The following SPPL2B variants were observed in gnomAD, a reference collection of about 807,000 sequenced individuals.
SPPL2B encodes signal peptide peptidase-like 2B.
SPPL2B carries 39 observed loss-of-function variants against 59.7 expected under a neutral mutation model. The ratio of observed to expected loss-of-function variants is 0.65; its 90% CI spans 0.51 to 0.85. The LOEUF (loss-of-function observed/expected upper bound fraction) is 0.85. SPPL2B is among the 40% of genes least tolerant of loss of function. The pLI is 0.00. For missense variants in SPPL2B, 865 were observed against 849.0 expected (o/e 1.02, Z -0.23); for synonymous variants, 419 against 370.8 (o/e 1.13, Z -1.49).
intron 7 of SPPL2B, 74 bp downstream of exon 7, chr19:2,340,246 G>GC (rs758899210): frequency 4.3e-6 from 5 of 1,162,456 alleles, no homozygotes; most frequent in Admixed American, 5.1e-5. Flanking sequence ...CCGCCCCATA[G>GC]CCCCCCATGG....
Position 2,351,426 on chromosome 19 carries a change from C to T in SPPL2B, c.1355-8C>T, listed in dbSNP as rs368017538. The stretch of plus-strand genomic sequence containing the variant: ...CTGGCTGAGGTGATGCCTCCTCTGT[C>T]CCCACAGCCTATGGCGTTGGCCTCC... On this transcript the variant is annotated splice_polypyrimidine_tract_variant and splice_region_variant and intron_variant, in intron 13 of 14. Transcript: ENST00000613503. The T allele has an allele frequency of 1.3e-6, 2 of 1,593,464 alleles. No homozygotes were observed. Among genetic ancestry groups the T allele is most frequent in the Middle Eastern group, 1.7e-4 (1 of 5,890 alleles).
In SPPL2B at chr19:2,338,844, A is replaced by G; in HGVS notation, c.459+3A>G. The G allele has an allele frequency of 6.2e-7, 1 of 1,612,672 alleles. No individual in the cohort carries two copies. Among genetic ancestry groups the G allele is most frequent in the Non-Finnish European group, 8.5e-7 (1 of 1,179,070 alleles). On this transcript the variant is annotated splice_donor_region_variant and intron_variant, in intron 4 of 14. Transcript: ENST00000613503. ...AAGACATGCTGGACATCTTCACGGT[A>G]GGTCTGCGCCGGCTCAGACCCACGC... is the stretch of plus-strand genomic sequence containing the variant.
In SPPL2B at chr19:2,348,167, C is replaced by T. The variant is rs1334535721; in HGVS notation, c.1354+2837C>T. ...TTCGCTTGATTCCGTTCTCTCTCCA[C>T]ACACACTCGCGCTCTCATTCGCTTG... On this transcript the variant is annotated intron_variant, in intron 13 of 14. Coordinates refer to ENST00000613503, the MANE Select transcript of SPPL2B (RefSeq NM_152988.3). Among the ~76,000 whole-genome samples the T allele has an allele frequency of 3.8e-4, 4 of 10,652 alleles. 1 individual carries two copies. Among genetic ancestry groups the T allele is most frequent in the South Asian group, 7.0e-3 (2 of 284 alleles). The allele number at this position is 10,652 out of a possible 152,430, so 7.0% of individuals were successfully genotyped here.
chr19:2,328,866 C>A, intron 1 of SPPL2B, 91 bp downstream of exon 1: 6 of 1,166,192 alleles, frequency 5.1e-6, no homozygotes, highest in Non-Finnish European at 6.6e-6. Context: ...CCCCGCTCGG[C>A]CCGTCTTGGG....
rs868271494 is a variant in SPPL2B, at chr19:2,347,276, A to G, written c.1354+1946A>G. Among the ~76,000 whole-genome samples, 527 of 53,852 alleles carry G rather than the reference A, an allele frequency of 9.8e-3. 3 individuals carry two copies. Among genetic ancestry groups the G allele is most frequent in the Non-Finnish European group, 0.014 (391 of 28,116 alleles). The allele number at this position is 53,852 out of a possible 152,430, so 35.3% of individuals were successfully genotyped here. A position where few individuals can be genotyped will look rare whatever the true frequency, so the allele number is the denominator to read the frequency against. Reference sequence around the variant, plus strand: ...GTTCTCTCTCCACACACACTCACGCACTCTCATTCGCCTGATTCCGTTCTC... The same window carrying G: ...GTTCTCTCTCCACACACACTCACGCGCTCTCATTCGCCTGATTCCGTTCTC... On this transcript the variant is annotated intron_variant, in intron 13 of 14. Transcript: ENST00000613503.
intron 5 of SPPL2B, 104 bp downstream of exon 5, chr19:2,339,312 G>A: frequency 7.5e-7 from 1 of 1,327,814 alleles, no homozygotes; most frequent in Non-Finnish European, 1.0e-6. Context: ...GGCCTCGGCA[G>A]GCACGGCTCG....
At chr19:2,343,627 C>G (rs1331552445) in intron 9 of SPPL2B, among the ~76,000 whole-genome samples, 1 of 152,112 alleles carries the variant, frequency 6.6e-6, no homozygotes, top group Non-Finnish European at 1.5e-5. Flanking sequence ...GGCGGCTGCA[C>G]TCCCGTGAGG....
chr19:2,328,754 C>T lies in SPPL2B; in HGVS notation c.45C>T (p.Ala15=), dbSNP rs1301773859. Reference sequence around the variant, plus strand: ...CTGCGCTGGCGCGGCTTTTGGCGGCCTTTCTGCTCCTCGCGGCCCAGGTGA... The same window carrying T: ...CTGCGCTGGCGCGGCTTTTGGCGGCTTTTCTGCTCCTCGCGGCCCAGGTGA... ...VAAALARLLA[A]FLLLAAQVAC... is the part of the protein sequence containing the mutation. Residue 15 remains alanine (A), a synonymous_variant, in exon 1 of 15, where the codon GCC becomes GCT. Coordinates refer to ENST00000613503, the MANE Select transcript of SPPL2B (RefSeq NM_152988.3). 4 of 1,462,130 alleles carry T rather than the reference C, an allele frequency of 2.7e-6. No homozygotes were observed. Among genetic ancestry groups the T allele is most frequent in the East Asian group, 2.8e-5 (1 of 35,110 alleles). The allele number at this position is 1,462,130 out of a possible 1,614,324, so 90.6% of individuals were successfully genotyped here.
At chr19:2,334,050 C>A (rs975862064) in intron 1 of SPPL2B, among the ~76,000 whole-genome samples, 2 of 152,128 alleles carry the variant, frequency 1.3e-5, no homozygotes, top group Admixed American at 6.5e-5. Flanking sequence ...TCCCCCTCGT[C>A]TGGGCCCCAC....
chr19:2,346,133 C>T (rs771126441), intron 13 of SPPL2B, among the ~76,000 whole-genome samples: 17 of 152,354 alleles, frequency 1.1e-4, no homozygotes, highest in African/African-American at 3.8e-4. Flanking sequence ...TGTCCCCCAC[C>T]GCAGCTGGCC....
intron 9 of SPPL2B, 51 bp from the exon 10 acceptor site, chr19:2,343,914 G>C (rs1225258313): frequency 9.3e-6 from 13 of 1,392,152 alleles, no homozygotes; most frequent in South Asian, 1.2e-5. Flanking sequence ...AGATGGGAGT[G>C]GGGGAGGCAC....
intron 2 of SPPL2B, 60 bp from the exon 3 acceptor site, chr19:2,337,383 A>G: frequency 6.8e-7 from 1 of 1,476,208 alleles, no homozygotes; most frequent in Non-Finnish European, 9.2e-7. Flanking sequence ...GAGAACGGGC[A>G]GCTGGGCCCT....
intron 2 of SPPL2B, among the ~76,000 whole-genome samples, chr19:2,335,987 G>A (rs1968581149): frequency 6.6e-6 from 1 of 152,224 alleles, no homozygotes; most frequent in South Asian, 2.1e-4. Context: ...ACACATAGGT[G>A]TGTGTCAACA....
intron 13 of SPPL2B, among the ~76,000 whole-genome samples, chr19:2,351,207 GA>G (rs1238039258): frequency 6.6e-6 from 1 of 152,148 alleles, no homozygotes; most frequent in African/African-American, 2.4e-5. Context: ...TGTCCTCGGT[GA>G]CCCTGGCTCC....
intron 8 of SPPL2B, chr19:2,342,997 C>T: frequency 1.7e-6 from 1 of 577,644 alleles, no homozygotes; most frequent in Non-Finnish European, 3.1e-6. Context: ...AGGGTGGGCC[C>T]TGGGGTGGGG....
rs769856971 is a variant in SPPL2B at position 2,353,061 on chromosome 19, C to A, written c.1631C>A (p.Pro544His). ...CCCAGCGAAGAACCAGCCACATCCC[C>A]CTGGCCTGCTGAGCAGTCCCCAAAA... ...QPPSEEPATS[P>H]WPAEQSPKSR... Residue 544 changes from proline to histidine, a missense_variant, in exon 15 of 15, where the codon CCC becomes CAC. Physicochemically the swap from Pro to His is moderately conservative, Grantham distance 77. Transcript: ENST00000613503. 2 of 1,612,148 alleles carry A rather than the reference C, an allele frequency of 1.2e-6. No homozygotes were observed. Among genetic ancestry groups the A allele is most frequent in the Non-Finnish European group, 1.7e-6 (2 of 1,179,650 alleles).
At chr19:2,352,782 G>A (rs530843339) in intron 14 of SPPL2B, among the ~76,000 whole-genome samples, 164 bp from the exon 15 acceptor site, 6 of 152,302 alleles carry the variant, frequency 3.9e-5, no homozygotes, top group Non-Finnish European at 8.8e-5. Flanking sequence ...CTGGGTGCCC[G>A]TAGGTTATGG....
chr19:2,344,319 C>CCCCCCCAA, intron 10 of SPPL2B, 43 bp from the exon 11 acceptor site: 1 of 1,140,902 alleles, frequency 8.8e-7, no homozygotes, highest in Non-Finnish European at 1.3e-6. Context: ...CCTGCCCCCC[C>CCCCCCCAA]ACCCCATCAC....
In SPPL2B at chr19:2,353,991, A is replaced by G. The variant is rs997452819; in HGVS notation, c.*782A>G. On this transcript the variant is annotated 3_prime_UTR_variant, in exon 15 of 15. Transcript: ENST00000613503. ...CTCTCAGACTGCCCTTCTGACAAGC[A>G]GGGGTGGGCGCCAGGCAGGCTGGGT... 2.6e-5 allele frequency: 4 copies of G among 152,176 alleles called. No individual in the cohort carries two copies. The highest frequency in any genetic ancestry group is 9.7e-5 in the African/African-American group (4 of 41,426). The allele number at this position is 152,176 out of a possible 1,614,324, so 9.4% of individuals were successfully genotyped here.
Sources: gnomAD v4.1 joint callset for allele counts (sites outside exome capture counted in the v4.1 genomes callset) on GRCh38, gnomAD v4.1.1 for gene constraint, MANE v1.5 for transcripts, NCBI Gene and HGNC (gene_info 2026-07-23, HGNC 2026-07-21) for gene names.